The following SLC39A11 variants were observed in gnomAD, a reference collection of about 807,000 sequenced individuals.
SLC39A11 encodes solute carrier family 39 member 11.
A neutral mutation model predicts 36.1 loss-of-function variants in SLC39A11; 33 were observed. The ratio of observed to expected loss-of-function variants is 0.91; its 90% CI spans 0.69 to 1.22. The LOEUF is 1.22. Among genes scored for constraint, SLC39A11 ranks in the 50% most tolerant of loss-of-function variants. SLC39A11 has a pLI of 0.00. For missense variants in SLC39A11, 432 were observed against 430.3 expected (o/e 1.00, Z -0.03); for synonymous variants, 166 against 170.3 (o/e 0.97, Z 0.20).
intron 4 of SLC39A11, among the ~76,000 whole-genome samples, chr17:72,966,816 G>C (rs111861086): frequency 6.6e-6 from 1 of 151,988 alleles, no homozygotes; most frequent in African/African-American, 2.4e-5. Context: ...TGATCCGCCC[G>C]CCTCAGCCTC....
chr17:72,982,211 T>A (rs56145734), intron 4 of SLC39A11, among the ~76,000 whole-genome samples: 4,791 of 152,224 alleles, frequency 0.031, 99 homozygotes, highest in South Asian at 0.084. Flanking sequence ...TCTCAAACAT[T>A]GCTGGTAAAA....
intron 3 of SLC39A11, among the ~76,000 whole-genome samples, chr17:73,081,400 A>G (rs1265668224): frequency 6.6e-6 from 1 of 152,122 alleles, no homozygotes; most frequent in Non-Finnish European, 1.5e-5. Context: ...ACCACTGTGG[A>G]AAACAGTGTG....
At chr17:72,829,177 C>A (rs1035111686) in intron 6 of SLC39A11, among the ~76,000 whole-genome samples, 1 of 152,000 alleles carries the variant, frequency 6.6e-6, no homozygotes, top group African/African-American at 2.4e-5. Context: ...CATGGCAAAA[C>A]CCTGTCTCCA....
At chr17:72,808,062 A>G (rs1598820548) in intron 6 of SLC39A11, among the ~76,000 whole-genome samples, 1 of 152,074 alleles carries the variant, frequency 6.6e-6, no homozygotes, top group Non-Finnish European at 1.5e-5. Flanking sequence ...AAAAAAAAAT[A>G]CCCACATCTT....
intron 4 of SLC39A11, among the ~76,000 whole-genome samples, chr17:73,008,828 A>G (rs1017282682): frequency 2.7e-5 from 4 of 150,774 alleles, no homozygotes; most frequent in African/African-American, 9.8e-5. Context: ...CTGATGTGGA[A>G]GGATCACTTG....
Position 72,849,785 on chromosome 17 carries a change from C to A in SLC39A11, c.450G>T (p.Glu150Asp). 1 of 1,562,698 alleles carries A rather than the reference C, an allele frequency of 6.4e-7. No homozygotes were observed. Residue 150 changes from glutamate (E) to aspartate (D), a missense_variant, in exon 6 of 10, where the codon GAG (glutamate) becomes GAT (aspartate). By Grantham distance (45) the Glu-to-Asp change is conservative. Transcript: ENST00000255559. ...SIRIDKSENGEAYQRKKAAAT... is the reference protein window; with the variant it reads ...SIRIDKSENGDAYQRKKAAAT... ...CTGCCGCCTTCTTTCTCTGATATGC[C>A]TCACCATTCTCACTCTTGTCTGAGC...
At chr17:73,058,772 C>T (rs2059749539) in intron 3 of SLC39A11, among the ~76,000 whole-genome samples, 1 of 152,112 alleles carries the variant, frequency 6.6e-6, no homozygotes, top group Non-Finnish European at 1.5e-5. Context: ...AGTTGAGTTC[C>T]TTTTGTAGGA....
chr17:73,026,531 A>AAAAAAAG (rs1200274458), intron 4 of SLC39A11, among the ~76,000 whole-genome samples: 1 of 150,316 alleles, frequency 6.7e-6, no homozygotes, highest in Admixed American at 6.6e-5. Context: ...AAAAAAAAAA[A>AAAAAAAG]AAAGAAAGAA....
intron 4 of SLC39A11, among the ~76,000 whole-genome samples, chr17:72,961,492 T>A (rs914453075): frequency 2.1e-5 from 3 of 139,722 alleles, no homozygotes; most frequent in Non-Finnish European, 4.9e-5. Flanking sequence ...CCAACCCAAA[T>A]GTCCATCAAT....
chr17:73,091,680 C>T (rs998382805), intron 1 of SLC39A11: 1 of 152,204 alleles, frequency 6.6e-6, no homozygotes, highest in Non-Finnish European at 1.5e-5. Flanking sequence ...CACAGCATCT[C>T]CATCACAGCT....
intron 7 of SLC39A11, among the ~76,000 whole-genome samples, chr17:72,711,773 C>T (rs770896116): frequency 2.4e-4 from 36 of 152,032 alleles, no homozygotes; most frequent in Non-Finnish European, 4.3e-4. Flanking sequence ...CCTGGCTGCC[C>T]CTTGATGGTC....
chr17:72,711,887 G>T (rs1052616342), intron 7 of SLC39A11, among the ~76,000 whole-genome samples: 2 of 152,164 alleles, frequency 1.3e-5, no homozygotes, highest in African/African-American at 4.8e-5. Flanking sequence ...AAATGGAAAG[G>T]AACAGACTTG....
rs201089489 is a variant in SLC39A11 at position 72,665,402 on chromosome 17, T to TTGTTTG, written c.672-16135_672-16134insCAAACA. ...AAGTTTTGAGGTGTTTTTTTTTTTT[T>TTGTTTG]TTTTTTTTGAGACAGGGTCTTGCTG... On this transcript the variant is annotated intron_variant, in intron 7 of 9. Coordinates refer to ENST00000255559, the MANE Select transcript of SLC39A11 (RefSeq NM_139177.4). Among the ~76,000 whole-genome samples the TTGTTTG allele has an allele frequency of 4.1e-4, 57 of 139,564 alleles. 1 individual carries two copies. The highest frequency in any genetic ancestry group is 7.2e-3 in the Middle Eastern group (2 of 278). 91.6% of individuals were successfully genotyped at this position (139,564 alleles called of 152,430 possible). A position where few individuals can be genotyped will look rare whatever the true frequency, so the allele number is the denominator to read the frequency against.
chr17:72,944,295 C>G (rs561105757), intron 5 of SLC39A11, among the ~76,000 whole-genome samples: 6 of 152,286 alleles, frequency 3.9e-5, no homozygotes, highest in African/African-American at 1.2e-4. Context: ...CTTCCTCCCC[C>G]AGAACATACT....
At chr17:73,030,947 A>C (rs1430728878) in intron 4 of SLC39A11, among the ~76,000 whole-genome samples, 1 of 152,198 alleles carries the variant, frequency 6.6e-6, no homozygotes, top group African/African-American at 2.4e-5. Flanking sequence ...AAAAAGCCTG[A>C]AATCTCTGGC....
rs190596772 is a variant in SLC39A11, at chr17:72,809,415, C to T, written c.601+40219G>A. On this transcript the variant is annotated intron_variant, in intron 6 of 9. Coordinates refer to ENST00000255559, the MANE Select transcript of SLC39A11 (RefSeq NM_139177.4). ...AGATCACAACCAACCATCCTGTTTG[C>T]GATCCCATCTCTACTCCAAGTTTGG... Among the ~76,000 whole-genome samples, 25 of 152,244 alleles carry T rather than the reference C, an allele frequency of 1.6e-4. No individual in the cohort carries two copies. In the East Asian group the frequency reaches 2.7e-3, roughly 16 times the overall value.
intron 6 of SLC39A11, among the ~76,000 whole-genome samples, chr17:72,755,208 G>A (rs1473711101): frequency 6.6e-6 from 1 of 152,228 alleles, no homozygotes; most frequent in Non-Finnish European, 1.5e-5. Context: ...GTGAAATGAG[G>A]AAAGGTCTGT....
At chr17:72,821,125 G>A (rs986543998) in intron 6 of SLC39A11, among the ~76,000 whole-genome samples, 12 of 150,670 alleles carry the variant, frequency 8.0e-5, no homozygotes, top group African/African-American at 2.4e-4. Flanking sequence ...TGGGTGGTTC[G>A]CAGGTATAAT....
intron 4 of SLC39A11, among the ~76,000 whole-genome samples, chr17:73,004,548 C>T (rs1464470476): frequency 6.6e-6 from 1 of 152,368 alleles, no homozygotes; most frequent in South Asian, 2.1e-4. Context: ...GGGGCTTCAA[C>T]ATACGAATGT....
Sources: gnomAD v4.1 joint callset for allele counts (sites outside exome capture counted in the v4.1 genomes callset) on GRCh38, gnomAD v4.1.1 for gene constraint, MANE v1.5 for transcripts, NCBI Gene and HGNC (gene_info 2026-07-23, HGNC 2026-07-21) for gene names.